RBFOX1: variants seen among roughly 807,000 people sequenced by gnomAD.
RBFOX1 encodes RNA binding fox-1 homolog 1.
RBFOX1 carries 8 observed loss-of-function variants against 57.7 expected under a neutral mutation model. The observed-to-expected ratio is 0.14, with a 90% confidence interval of 0.08 to 0.25. The LOEUF is 0.25. RBFOX1 is among the 10% of genes least tolerant of loss of function. The pLI is 1.00. For synonymous variants in RBFOX1, 326 were observed against 222.4 expected, an observed-to-expected ratio of 1.47 and a Z score of -4.15; for missense variants, 611 against 548.5, an observed-to-expected ratio of 1.11 and a Z score of -1.14.
intron 2 of RBFOX1, among the ~76,000 whole-genome samples, chr16:6,511,944 G>A (rs1011141311): frequency 2.0e-5 from 3 of 151,962 alleles, no homozygotes; most frequent in Admixed American, 2.0e-4. Flanking sequence ...TTTCATAACA[G>A]CCAGGTCTTT....
chr16:7,696,441 A>C (rs530059062), intron 14 of RBFOX1, among the ~76,000 whole-genome samples: 2 of 152,190 alleles, frequency 1.3e-5, no homozygotes, highest in African/African-American at 4.8e-5. Flanking sequence ...GTGATTCATT[A>C]GGAATTTTCC....
At chr16:6,814,217 C>A (rs113287800) in intron 3 of RBFOX1, among the ~76,000 whole-genome samples, 5 of 138,710 alleles carry the variant, frequency 3.6e-5, no homozygotes, top group Admixed American at 1.6e-4. Context: ...CTGTTTTCTT[C>A]TTTCATGTAA....
chr16:6,472,845 G>T (rs546681008), intron 2 of RBFOX1, among the ~76,000 whole-genome samples: 1 of 151,774 alleles, frequency 6.6e-6, no homozygotes, highest in African/African-American at 2.4e-5. Context: ...GGCTGGTCTC[G>T]AACTCCCAAC....
intron 3 of RBFOX1, among the ~76,000 whole-genome samples, chr16:6,658,118 A>C (rs1045514775): frequency 2.6e-5 from 4 of 152,132 alleles, no homozygotes; most frequent in Non-Finnish European, 5.9e-5. Flanking sequence ...ATTGTGCCTC[A>C]TTCCCATTCT....
At chr16:7,552,570 T>C (rs1322456146) in intron 5 of RBFOX1, among the ~76,000 whole-genome samples, 3 of 152,208 alleles carry the variant, frequency 2.0e-5, no homozygotes, top group Non-Finnish European at 4.4e-5. Flanking sequence ...CAATTCTTAA[T>C]ATGTGCGGCA....
At chr16:7,671,900 T>C (rs1375142786) in intron 13 of RBFOX1, among the ~76,000 whole-genome samples, 3 of 152,228 alleles carry the variant, frequency 2.0e-5, no homozygotes, top group South Asian at 2.1e-4. Context: ...GTGTGTCAAA[T>C]GGTGGTCTAG....
At chr16:5,267,454 T>C (rs1211721774) in intron 1 of RBFOX1, among the ~76,000 whole-genome samples, 1 of 152,184 alleles carries the variant, frequency 6.6e-6, no homozygotes, top group South Asian at 2.1e-4. Flanking sequence ...CACTCCACCA[T>C]GCCTGGCTAA....
intron 4 of RBFOX1, among the ~76,000 whole-genome samples, chr16:7,267,596 T>G (rs187134781): frequency 7.4e-4 from 112 of 151,558 alleles, no homozygotes; most frequent in African/African-American, 2.7e-3. Context: ...GGCTCATGTC[T>G]GTAATCGTAG....
At chr16:7,140,839 G>A (rs1037504991) in intron 4 of RBFOX1, among the ~76,000 whole-genome samples, 3 of 152,172 alleles carry the variant, frequency 2.0e-5, no homozygotes, top group South Asian at 2.1e-4. Flanking sequence ...ACCTCTTGGC[G>A]GACTCCAGGA....
chr16:6,949,041 T>C (rs1478885611), intron 3 of RBFOX1, among the ~76,000 whole-genome samples: 1 of 152,176 alleles, frequency 6.6e-6, no homozygotes, highest in African/African-American at 2.4e-5. Context: ...CTATGGAGTG[T>C]GATTCGTAAA....
chr16:5,867,459 T>C, intron 4 of RBFOX1: 1 of 686,632 alleles, frequency 1.5e-6, no homozygotes, highest in Non-Finnish European at 2.0e-6. Context: ...GCTTGGATGG[T>C]GTGTTTTCAG....
intron 3 of RBFOX1, among the ~76,000 whole-genome samples, chr16:6,763,751 G>A (rs901394925): frequency 6.6e-6 from 1 of 152,198 alleles, no homozygotes; most frequent in Non-Finnish European, 1.5e-5. Flanking sequence ...AAAACCACTG[G>A]ACGGATTCCA....
intron 3 of RBFOX1, among the ~76,000 whole-genome samples, chr16:6,806,839 T>TATATATATATATA (rs869129348): frequency 2.7e-5 from 3 of 109,780 alleles, no homozygotes; most frequent in Admixed American, 1.0e-4. Flanking sequence ...TATATATATT[T>TATATATATATATA]TTTTTTTTTT....
chr16:6,127,535 G>A (rs1362336435), intron 1 of RBFOX1, among the ~76,000 whole-genome samples: 1 of 152,144 alleles, frequency 6.6e-6, no homozygotes, highest in African/African-American at 2.4e-5. Flanking sequence ...GAATTAAGTT[G>A]ACCTTGCAGA....
At chr16:6,370,943 T>C (rs2090346210) in intron 2 of RBFOX1, among the ~76,000 whole-genome samples, 1 of 152,224 alleles carries the variant, frequency 6.6e-6, no homozygotes, top group Admixed American at 6.5e-5. Flanking sequence ...ATTTACTTTG[T>C]GGATGACCCT....
intron 4 of RBFOX1, among the ~76,000 whole-genome samples, chr16:7,330,525 TAGAGAG>T (rs138727480): frequency 1.3e-3 from 177 of 132,916 alleles, no homozygotes; most frequent in Non-Finnish European, 2.4e-3. Context: ...TGTGTGTGTG[TAGAGAG>T]AGAGAGAGAG....
At chr16:6,784,966 G>A (rs2081675828) in intron 3 of RBFOX1, among the ~76,000 whole-genome samples, 1 of 151,890 alleles carries the variant, frequency 6.6e-6, no homozygotes, top group African/African-American at 2.4e-5. Context: ...CTCATATAGG[G>A]GATCTTTCTT....
chr16:7,428,753 G>C (rs1435635710), intron 4 of RBFOX1, among the ~76,000 whole-genome samples: 4 of 151,864 alleles, frequency 2.6e-5, no homozygotes, highest in African/African-American at 9.7e-5. Flanking sequence ...GATATATGTG[G>C]ATTTTTCTTT....
intron 3 of RBFOX1, among the ~76,000 whole-genome samples, chr16:6,944,903 G>T (rs953422394): frequency 1.3e-5 from 2 of 152,152 alleles, no homozygotes; most frequent in African/African-American, 4.8e-5. Flanking sequence ...TGAATTTGCA[G>T]CTCTTAGCTA....
Sources: gnomAD v4.1 joint callset for allele counts (sites outside exome capture counted in the v4.1 genomes callset) on GRCh38, gnomAD v4.1.1 for gene constraint, MANE v1.5 for transcripts, NCBI Gene and HGNC (gene_info 2026-07-23, HGNC 2026-07-21) for gene names.